Variants in H2AZ1 observed in about 807,000 individuals in gnomAD.
H2AZ1 encodes H2A.Z variant histone 1.
A neutral mutation model predicts 16.6 loss-of-function variants in H2AZ1; 3 were observed. That is an observed-to-expected ratio of 0.18 (90% CI 0.08 to 0.47). The LOEUF (loss-of-function observed/expected upper bound fraction) is 0.47, where lower values mean the gene tolerates loss of function less well. H2AZ1 is among the 20% of genes least tolerant of loss of function. The probability of loss-of-function intolerance (pLI) is 0.98; values close to 1 mark genes in which losing one functional copy is unlikely to be tolerated. For missense variants in H2AZ1, 27 were observed against 163.6 expected (o/e 0.17, Z 4.55); for synonymous variants, 78 against 60.7 (o/e 1.28, Z -1.32).
intron 1 of H2AZ1, 183 bp downstream of exon 1, chr4:99,949,985 C>T: frequency 2.5e-6 from 1 of 398,864 alleles, no homozygotes. Context: ...CCAACCGTCG[C>T]CGCCCGCCGC....
intron 2 of H2AZ1, 107 bp from the exon 3 acceptor site, chr4:99,949,493 G>A: frequency 1.0e-6 from 1 of 990,098 alleles, no homozygotes; most frequent in Non-Finnish European, 1.6e-6. Flanking sequence ...AACGCGTCCC[G>A]ACATCGAAAC....
intron 3 of H2AZ1, 39 bp downstream of exon 3, chr4:99,949,234 C>T: frequency 7.8e-7 from 1 of 1,276,440 alleles, no homozygotes; most frequent in African/African-American, 1.5e-5. Flanking sequence ...CTCCCCGCCC[C>T]CCAAACCTTC....
intron 1 of H2AZ1, 37 bp from the exon 2 acceptor site, chr4:99,949,777 G>A (rs112445319): frequency 0.024 from 37,444 of 1,533,488 alleles, 570 homozygotes; most frequent in Middle Eastern, 0.041. Context: ...GAGGAGGAAC[G>A]GAGAATATAG....
chr4:99,948,641 G>C, intron 4 of H2AZ1, 118 bp from the exon 5 acceptor site: 1 of 1,497,514 alleles, frequency 6.7e-7, no homozygotes, highest in South Asian at 1.3e-5. Flanking sequence ...TGCAGCTCAA[G>C]TATGAAGTAA....
chr4:99,950,033 C>A, intron 1 of H2AZ1, 135 bp downstream of exon 1: 1 of 791,856 alleles, frequency 1.3e-6, no homozygotes. Flanking sequence ...CGACAAAACA[C>A]CTCCCCCCAC....
At chr4:99,948,723 A>T in intron 4 of H2AZ1, 88 bp downstream of exon 4, 1 of 1,512,984 alleles carries the variant, frequency 6.6e-7, no homozygotes, top group Non-Finnish European at 8.9e-7. Context: ...AAATATACTT[A>T]AATTTCCTCT....
Position 99,948,446 on chromosome 4 carries a change from G to A in H2AZ1, c.*16C>T. 1.5e-6 allele frequency: 2 copies of A among 1,352,138 alleles called. No homozygotes were observed. The highest frequency in any genetic ancestry group is 1.7e-5 in the Admixed American group (1 of 59,612). The allele number at this position is 1,352,138 out of a possible 1,614,324, so 83.8% of individuals were successfully genotyped here. A position where few individuals can be genotyped will look rare whatever the true frequency, so the allele number is the denominator to read the frequency against. ...AGTATTTAGAGTCCTGAGATAACAA[G>A]GAATCCAGGCATCCTTTAGACAGTC... On this transcript the variant is annotated 3_prime_UTR_variant, in exon 5 of 5. Transcript: ENST00000296417.
In H2AZ1 at chr4:99,950,177, T is replaced by G; in HGVS notation, c.-7A>C. 1.2e-6 allele frequency: 2 copies of G among 1,608,526 alleles called. No homozygotes were observed. The highest frequency in any genetic ancestry group is 1.7e-5 in the Admixed American group (1 of 59,588). ...TCTCTGCGAAGTTTACCATTTCGAA[T>G]TCCGCTGAAGCTCAAGCAAGCAAGG... On this transcript the variant is annotated 5_prime_UTR_variant, in exon 1 of 5. Transcript: ENST00000296417.
intron 1 of H2AZ1, 81 bp from the exon 2 acceptor site, chr4:99,949,821 G>T: frequency 8.8e-7 from 1 of 1,141,166 alleles, no homozygotes; most frequent in Non-Finnish European, 1.2e-6. Context: ...CCCCCACCGC[G>T]GCGCGTCCCG....
At position 99,948,516 on chromosome 4, in the gene H2AZ1, A is replaced by G. The variant is rs750579215; in HGVS notation, c.333T>C (p.Ile111=). The change falls in exon 5 of 5, where the codon ATT becomes ATC. Residue 111 remains isoleucine (I), a synonymous_variant. Transcript: ENST00000296417. ...CAATCAGAGATTTGTGGATGTGTGG[A>G]ATGACACCTAGGAGAGTGACAGGAA... ...IKATIAGGGV[I]PHIHKSLIGK... is the part of the protein sequence containing the mutation. 36 of 1,611,188 alleles carry G rather than the reference A, an allele frequency of 2.2e-5. No homozygotes were observed. The highest frequency in any genetic ancestry group is 2.9e-5 in the Non-Finnish European group (34 of 1,177,824).
At chr4:99,949,594 G>T in intron 2 of H2AZ1, 69 bp downstream of exon 2, 3 of 1,443,750 alleles carry the variant, frequency 2.1e-6, no homozygotes, top group Non-Finnish European at 2.9e-6. Flanking sequence ...CATCGAGAGC[G>T]ATGAATAACA....
At position 99,948,356 on chromosome 4, in the gene H2AZ1, A is replaced by C; in HGVS notation, c.*106T>G. The C allele has an allele frequency of 1.2e-6, 1 of 809,294 alleles. No individual in the cohort carries two copies. Among genetic ancestry groups the C allele is most frequent in the South Asian group, 1.4e-5 (1 of 72,236 alleles). 50.1% of individuals were successfully genotyped at this position (809,294 alleles called of 1,614,324 possible). On this transcript the variant is annotated 3_prime_UTR_variant, in exon 5 of 5. Transcript: ENST00000296417. ...AACTTGCTCAAATAGAATTACAAAAAGGCAAAATTGTGTTTTTCACAGAGA... is the reference window on the plus strand; with the variant it reads ...AACTTGCTCAAATAGAATTACAAAACGGCAAAATTGTGTTTTTCACAGAGA...
In H2AZ1 at chr4:99,949,343, G is replaced by C. The variant is rs1340361860; in HGVS notation, c.125C>G (p.Thr42Ser). The C allele has an allele frequency of 6.2e-7, 1 of 1,613,130 alleles. No individual in the cohort carries two copies. ...AGTCGCGCCCACACGTCCATGACTGGTCGTCCTAGATTTTAGGTGTCGATG... is the reference window on the plus strand; with the variant it reads ...AGTCGCGCCCACACGTCCATGACTGCTCGTCCTAGATTTTAGGTGTCGATG... Reference protein sequence around the residue: ...RIHRHLKSRTTSHGRVGATAA... With the variant: ...RIHRHLKSRTSSHGRVGATAA... The change falls in exon 3 of 5, where the codon ACC becomes AGC. Residue 42 changes from threonine (T) to serine (S), a missense_variant. By Grantham distance (58) the Thr-to-Ser change is moderately conservative (BLOSUM62 1). Around this residue, in one of 3 missense-constraint regions of H2AZ1, gnomAD observed 14 missense variants for 110.3 expected, o/e 0.13. Transcript: ENST00000296417.
In H2AZ1 at chr4:99,948,941, C is replaced by A; in HGVS notation, c.196-1G>T. The A allele has an allele frequency of 6.4e-7, 1 of 1,562,530 alleles. No individual in the cohort carries two copies. Among genetic ancestry groups the A allele is most frequent in the South Asian group, 1.1e-5 (1 of 89,648 alleles). ...ATGCATTTCCTGCCAGTTCAAGTACCTAAAAGGCAGAATCTGTCAGTTGCC... is the reference window on the plus strand; with the variant it reads ...ATGCATTTCCTGCCAGTTCAAGTACATAAAAGGCAGAATCTGTCAGTTGCC... On this transcript the variant is annotated splice_acceptor_variant, in intron 3 of 4. Coordinates refer to ENST00000296417, the MANE Select transcript of H2AZ1 (RefSeq NM_002106.4). LOFTEE classifies it high-confidence loss of function.
chr4:99,949,654 A>G lies in H2AZ1; in HGVS notation c.81+9T>C. The G allele has an allele frequency of 6.2e-7, 1 of 1,612,064 alleles. No individual in the cohort carries two copies. Among genetic ancestry groups the G allele is most frequent in the South Asian group, 1.1e-5 (1 of 91,038 alleles). On this transcript the variant is annotated intron_variant, in intron 2 of 4. Transcript: ENST00000296417. Reference sequence around the variant, plus strand: ...TCATGACTCCCAGACTGCACGAACAACTACTGACCTGCAAGCCGGCTCTCT... The same window carrying G: ...TCATGACTCCCAGACTGCACGAACAGCTACTGACCTGCAAGCCGGCTCTCT...
At position 99,949,714 on chromosome 4, in the gene H2AZ1, G is replaced by A. The variant is rs772087635; in HGVS notation, c.30C>T (p.Ser10=). ...AAACCGCCTTTGTCTTGGCCTTTCC[G>A]GAGTCCTTTCCAGCCTTACCGCCAG... MAGGKAGKD[S]GKAKTKAVSR... Residue 10 remains serine, a synonymous_variant, in exon 2 of 5, where the codon TCC becomes TCT. Coordinates refer to ENST00000296417, the MANE Select transcript of H2AZ1 (RefSeq NM_002106.4). 2 of 1,613,724 alleles carry A rather than the reference G, an allele frequency of 1.2e-6. No homozygotes were observed. The highest frequency in any genetic ancestry group is 8.5e-7 in the Non-Finnish European group (1 of 1,179,866).
At chr4:99,949,135 C>G (rs1727208873) in intron 3 of H2AZ1, 138 bp downstream of exon 3, 2 of 660,312 alleles carry the variant, frequency 3.0e-6, no homozygotes, top group Non-Finnish European at 5.4e-6. Context: ...TTGTTGAACA[C>G]CAGCTCCCTC....
chr4:99,949,987 G>A, intron 1 of H2AZ1, 181 bp downstream of exon 1: 1 of 405,894 alleles, frequency 2.5e-6, no homozygotes, highest in South Asian at 6.6e-5. Context: ...AACCGTCGCC[G>A]CCCGCCGCGA....
rs988097327 is a variant in H2AZ1, at chr4:99,949,254, T to C, written c.195+19A>G. On this transcript the variant is annotated intron_variant, in intron 3 of 4. Transcript: ENST00000296417. ...CGCCCCCCAAACCTTCTCCGGATTA[T>C]AGGCGTTCACCCATTTACCTCTGCG... 9 of 1,428,622 alleles carry C rather than the reference T, an allele frequency of 6.3e-6. No homozygotes were observed. Among genetic ancestry groups the C allele is most frequent in the South Asian group, 2.3e-5 (2 of 85,506 alleles). 88.5% of individuals were successfully genotyped at this position (1,428,622 alleles called of 1,614,324 possible). A position where few individuals can be genotyped will look rare whatever the true frequency, so the allele number is the denominator to read the frequency against.
Sources: allele counts gnomAD v4.1 joint callset, GRCh38; gene constraint gnomAD v4.1.1; regional missense constraint gnomAD v4.1.1; transcripts MANE v1.5; gene names NCBI Gene and HGNC (gene_info 2026-07-23, HGNC 2026-07-21).